The following AHRR variants were observed in gnomAD, a reference collection of about 807,000 sequenced individuals.
AHRR encodes ahR repressor.
AHRR carries 28 observed loss-of-function variants against 44.0 expected under a neutral mutation model. That is an observed-to-expected ratio of 0.64 (90% CI 0.47 to 0.87). The LOEUF (loss-of-function observed/expected upper bound fraction) is 0.87. Ranked by LOEUF, AHRR falls within the 40% of genes least tolerant of loss-of-function variation. The probability of loss-of-function intolerance (pLI) is 0.00; values close to 1 mark genes in which losing one functional copy is unlikely to be tolerated. For synonymous variants in AHRR, 434 were observed against 407.0 expected (o/e 1.07, Z -0.80); for missense variants, 990 against 953.9 (o/e 1.04, Z -0.50).
chr5:428,521 G>A (rs191930584), intron 8 of AHRR, among the ~76,000 whole-genome samples: 1 of 152,334 alleles, frequency 6.6e-6, no homozygotes, highest in Admixed American at 6.5e-5. Flanking sequence ...CCTTTCAGAA[G>A]TAGAAAACAC....
chr5:395,226 C>G lies in AHRR; in HGVS notation c.352-18118C>G, dbSNP rs1003567940. On this transcript the variant is annotated intron_variant, in intron 4 of 10. Coordinates refer to ENST00000684583, the MANE Select transcript of AHRR (RefSeq NM_001377236.1). This position sits in a 1 kb window ranked among gnomAD's most constrained non-coding sequence, Gnocchi z 5.3. ...TCCCCCTCCTGCCAGGTGGCCGACA[C>G]TGGCTGCCCTGCGTCCCCATTCCCT... is the stretch of plus-strand genomic sequence containing the variant. 6.6e-6 allele frequency among the ~76,000 whole-genome samples: 1 copy of G among 152,230 alleles called. No individual in the cohort carries two copies. Among genetic ancestry groups the G allele is most frequent in the Non-Finnish European group, 1.5e-5 (1 of 68,032 alleles).
intron 9 of AHRR, 54 bp downstream of exon 9, chr5:432,578 G>A (rs549014213): frequency 4.2e-5 from 67 of 1,589,796 alleles, no homozygotes; most frequent in Middle Eastern, 1.7e-4. Flanking sequence ...ATGTGTTTCT[G>A]CCCTTGGAGA....
At chr5:428,955 T>G (rs1579711111) in intron 8 of AHRR, among the ~76,000 whole-genome samples, 1 of 152,200 alleles carries the variant, frequency 6.6e-6, no homozygotes, top group African/African-American at 2.4e-5. Context: ...GGAGTGGCTG[T>G]AAATATAGAT....
Position 435,372 on chromosome 5 carries a change from C to G in AHRR, c.*538C>G. ...CATCGCCACAGTGCACTGTAGAGGC[C>G]AGCACACGGCAAATTAGAAATACAA... On this transcript the variant is annotated 3_prime_UTR_variant, in exon 11 of 11. Coordinates refer to ENST00000684583, the MANE Select transcript of AHRR (RefSeq NM_001377236.1). The G allele has an allele frequency of 1.3e-5, 2 of 155,144 alleles. No individual in the cohort carries two copies. Among genetic ancestry groups the G allele is most frequent in the Non-Finnish European group, 2.9e-5 (2 of 69,938 alleles). 9.6% of individuals were successfully genotyped at this position (155,144 alleles called of 1,614,324 possible). A position where few individuals can be genotyped will look rare whatever the true frequency, so the allele number is the denominator to read the frequency against.
At chr5:409,358 T>A (rs980147384) in intron 4 of AHRR, among the ~76,000 whole-genome samples, 1 of 152,194 alleles carries the variant, frequency 6.6e-6, no homozygotes, top group African/African-American at 2.4e-5. Context: ...AGGCTGGAAC[T>A]TCTGGGTTGT....
chr5:433,808 G>A, intron 10 of AHRR, 45 bp from the exon 11 acceptor site: 1 of 1,460,136 alleles, frequency 6.8e-7, no homozygotes, highest in Non-Finnish European at 9.0e-7. Flanking sequence ...AGCCAGACCT[G>A]GTGTCTTCAG....
chr5:428,086 G>A (rs1285337605), intron 8 of AHRR, 80 bp downstream of exon 8: 1 of 1,443,748 alleles, frequency 6.9e-7, no homozygotes, highest in Non-Finnish European at 9.5e-7. Flanking sequence ...AGTGTTTTCT[G>A]TGTCTTCTTT....
chr5:324,973 A>T (rs1265700156), intron 1 of AHRR, among the ~76,000 whole-genome samples: 4 of 152,178 alleles, frequency 2.6e-5, no homozygotes. Context: ...GAACCGTTCC[A>T]CAGCACTGAG....
chr5:430,656 A>G (rs1385071553), intron 8 of AHRR, among the ~76,000 whole-genome samples: 1 of 152,224 alleles, frequency 6.6e-6, no homozygotes, highest in Non-Finnish European at 1.5e-5. Context: ...GTCTGACAGC[A>G]GCAGCGGTTA....
intron 5 of AHRR, among the ~76,000 whole-genome samples, chr5:416,417 C>A (rs1284922003): frequency 6.6e-6 from 1 of 152,274 alleles, no homozygotes; most frequent in African/African-American, 2.4e-5. Context: ...GGCACGGCGT[C>A]TCCTACCACA....
chr5:343,735 C>T, intron 1 of AHRR, 158 bp from the exon 2 acceptor site: 1 of 678,540 alleles, frequency 1.5e-6, no homozygotes, highest in Non-Finnish European at 2.4e-6. Context: ...AGCAGGGGTC[C>T]CGGGCCAGGG....
chr5:330,134 T>G (rs1401798486), intron 1 of AHRR, among the ~76,000 whole-genome samples: 1 of 152,198 alleles, frequency 6.6e-6, no homozygotes. Context: ...TTTTGTGGTA[T>G]GTTCCTTCTG....
At chr5:325,557 A>C (rs560010946) in intron 1 of AHRR, among the ~76,000 whole-genome samples, 11 of 152,282 alleles carry the variant, frequency 7.2e-5, no homozygotes, top group African/African-American at 2.6e-4. Context: ...ACACGTGACC[A>C]TGATGGAGAC....
chr5:362,790 G>A (rs1195769941), intron 3 of AHRR, among the ~76,000 whole-genome samples: 2 of 152,232 alleles, frequency 1.3e-5, no homozygotes, highest in African/African-American at 4.8e-5. Flanking sequence ...TGGCCAAGAA[G>A]AGCAGGGGCT....
At position 434,033 on chromosome 5, in the gene AHRR, C is replaced by T. The variant is rs751809297; in HGVS notation, c.1293C>T (p.Arg431=). ...NDPPSLRPMP[R]GSCLPCPCVQ... ...CGCCCTCCCTGCGCCCCATGCCCCG[C>T]GGCTCCTGCCTGCCCTGCCCGTGTG... is the stretch of plus-strand genomic sequence containing the variant. The change falls in exon 11 of 11, where the codon CGC becomes CGT. Residue 431 remains arginine (R), a synonymous_variant. Transcript: ENST00000684583. 7 of 1,606,024 alleles carry T rather than the reference C, an allele frequency of 4.4e-6. No individual in the cohort carries two copies. The highest frequency in any genetic ancestry group is 3.4e-5 in the Admixed American group (2 of 58,922).
At chr5:431,182 G>C (rs1736710669) in intron 8 of AHRR, among the ~76,000 whole-genome samples, 1 of 152,206 alleles carries the variant, frequency 6.6e-6, no homozygotes, top group Non-Finnish European at 1.5e-5. Flanking sequence ...GCACAGCCCT[G>C]TCCCGGCCCT....
chr5:325,885 C>T (rs1037680709), intron 1 of AHRR, among the ~76,000 whole-genome samples: 3 of 152,064 alleles, frequency 2.0e-5, no homozygotes, highest in African/African-American at 2.4e-5. Flanking sequence ...TGGGTTCAAG[C>T]GATTCTCCTG....
At chr5:339,203 G>A (rs1321907862) in intron 1 of AHRR, among the ~76,000 whole-genome samples, 1 of 152,168 alleles carries the variant, frequency 6.6e-6, no homozygotes, top group Non-Finnish European at 1.5e-5. Flanking sequence ...CAGCCTCAAT[G>A]TCCTGGGCTC....
intron 8 of AHRR, among the ~76,000 whole-genome samples, chr5:430,873 T>C (rs1183662690): frequency 6.6e-6 from 1 of 152,164 alleles, no homozygotes; most frequent in East Asian, 1.9e-4. Flanking sequence ...TGTACCTTAT[T>C]TTAAAGGATG....
Sources: allele counts gnomAD v4.1 joint callset (sites outside exome capture counted in the v4.1 genomes callset), GRCh38; gene constraint gnomAD v4.1.1; non-coding constraint Gnocchi (gnomAD v3.1); transcripts MANE v1.5; gene names NCBI Gene and HGNC (gene_info 2026-07-23, HGNC 2026-07-21).